Variants in HYAL1 observed in about 807,000 individuals in gnomAD.
HYAL1 encodes the protein hyaluronidase-1.
In HYAL1, 21 loss-of-function variants were observed where a neutral mutation model predicts 28.8. The ratio of observed to expected loss-of-function variants is 0.73; its 90% CI spans 0.52 to 1.05. HYAL1 has a LOEUF of 1.05. Ranked by LOEUF, HYAL1 falls within the 50% of genes least tolerant of loss-of-function variation. The pLI is 0.00. For synonymous variants in HYAL1, 200 were observed against 230.1 expected (o/e 0.87, Z 1.18); for missense variants, 491 against 579.2 (o/e 0.85, Z 1.56).
intron 2 of HYAL1, among the ~76,000 whole-genome samples, chr3:50,301,550 G>T (rs1575514230): frequency 6.6e-6 from 1 of 151,790 alleles, no homozygotes; most frequent in Non-Finnish European, 1.5e-5. Context: ...CCGGAAGGTG[G>T]AGGGTGCAGG....
At chr3:50,311,910 C>T (rs1190620467) in intron 1 of HYAL1, among the ~76,000 whole-genome samples, 2 of 149,776 alleles carry the variant, frequency 1.3e-5, no homozygotes, top group Admixed American at 6.6e-5. Context: ...CCCCCCTCCC[C>T]TCACGGATGG....
At position 50,300,137 on chromosome 3, in the gene HYAL1, C is replaced by G. The variant is rs1702060349; in HGVS notation, c.*346G>C. On this transcript the variant is annotated 3_prime_UTR_variant, in exon 4 of 4. Coordinates refer to ENST00000395144, the MANE Select transcript of HYAL1 (RefSeq NM_033159.4). ...GAGGAATGAATAAGTCCACATAAAA[C>G]GCTTAGCACGGGGATTGGCAAAGAG... The G allele has an allele frequency of 1.1e-5, 4 of 356,876 alleles. No homozygotes were observed. In the Admixed American group the frequency reaches 1.5e-4, roughly 14 times the overall value. 22.1% of individuals were successfully genotyped at this position (356,876 alleles called of 1,614,324 possible).
chr3:50,306,677 G>T (rs587718845), upstream of HYAL1, among the ~76,000 whole-genome samples: 3 of 151,028 alleles, frequency 2.0e-5, no homozygotes, highest in South Asian at 4.2e-4. Context: ...ACCTGAGGTC[G>T]GGAGTTTGAG....
At chr3:50,311,449 C>A (rs1399863829) in intron 1 of HYAL1, among the ~76,000 whole-genome samples, 5 of 131,626 alleles carry the variant, frequency 3.8e-5, no homozygotes, top group African/African-American at 1.4e-4. Context: ...GGGGCTGACC[C>A]CCCCCCACCT....
At chr3:50,310,965 T>C (rs1309077568) in intron 1 of HYAL1, among the ~76,000 whole-genome samples, 9 of 152,060 alleles carry the variant, frequency 5.9e-5, no homozygotes, top group Non-Finnish European at 1.3e-4. Flanking sequence ...TTTTTCTTAG[T>C]ATAGAACAAA....
upstream of HYAL1, among the ~76,000 whole-genome samples, chr3:50,304,530 G>A (rs1702298020): frequency 6.7e-6 from 1 of 149,882 alleles, no homozygotes; most frequent in Non-Finnish European, 1.5e-5. Flanking sequence ...GAGCCCAGGA[G>A]GTCATGTCTG....
upstream of HYAL1, among the ~76,000 whole-genome samples, chr3:50,307,184 G>T (rs587640164): frequency 2.0e-5 from 3 of 150,500 alleles, no homozygotes; most frequent in East Asian, 5.8e-4. Context: ...GGCCAACATG[G>T]CGAAACCCTG....
chr3:50,307,279 C>T (rs868990778), upstream of HYAL1, among the ~76,000 whole-genome samples: 5 of 146,028 alleles, frequency 3.4e-5, no homozygotes, highest in Middle Eastern at 3.7e-3. Flanking sequence ...GCAGGAGAAT[C>T]GCTTGACCTG....
chr3:50,302,778 G>A lies in HYAL1; in HGVS notation c.179C>T (p.Ala60Val), dbSNP rs1553713391. ...DVDVSVFDVV[A>V]NPGQTFRGPD... Reference sequence around the variant, plus strand: ...GCCGCGGAAGGTCTGCCCTGGGTTGGCTACCACATCGAAGACACTGACATC... The same window carrying A: ...GCCGCGGAAGGTCTGCCCTGGGTTGACTACCACATCGAAGACACTGACATC... Residue 60 changes from alanine (A) to valine (V), a missense_variant, in exon 2 of 4, where the codon GCC (alanine) becomes GTC (valine). Transcript: ENST00000395144. This position sits in a 1 kb window ranked among gnomAD's most constrained non-coding sequence, Gnocchi z 5.0. 6.2e-7 allele frequency: 1 copy of A among 1,614,002 alleles called. No individual in the cohort carries two copies. Among genetic ancestry groups the A allele is most frequent in the Admixed American group, 1.7e-5 (1 of 60,026 alleles).
intron 2 of HYAL1, among the ~76,000 whole-genome samples, chr3:50,301,334 C>T (rs587690185): frequency 2.6e-5 from 4 of 152,304 alleles, no homozygotes; most frequent in South Asian, 2.1e-4. Context: ...TGTGCCCATG[C>T]GCCAGGCGCG....
intron 2 of HYAL1, among the ~76,000 whole-genome samples, chr3:50,308,588 C>T (rs1430759354): frequency 6.6e-6 from 1 of 150,750 alleles, no homozygotes; most frequent in Non-Finnish European, 1.5e-5. Flanking sequence ...GCTGGGGCTA[C>T]AGGCGCCCAC....
At chr3:50,310,483 G>A (rs1553714597) in intron 1 of HYAL1, among the ~76,000 whole-genome samples, 1 of 151,050 alleles carries the variant, frequency 6.6e-6, no homozygotes, top group East Asian at 1.9e-4. Context: ...AGCCAGAATG[G>A]TCTCGATCTC....
rs782360909 is a variant in HYAL1 at position 50,300,844 on chromosome 3, T to A, written c.991-44A>T. ...TAGCGTCAGGGACACCATGGCCATG[T>A]ATGGACCCACCCAGGGCACTGAGGC... On this transcript the variant is annotated intron_variant, in intron 3 of 3. Transcript: ENST00000395144. The A allele has an allele frequency of 1.1e-5, 17 of 1,593,988 alleles. No homozygotes were observed. In the East Asian group the frequency reaches 3.1e-4, roughly 29 times the overall value.
chr3:50,305,368 C>T (rs1218162008), upstream of HYAL1, among the ~76,000 whole-genome samples: 6 of 147,520 alleles, frequency 4.1e-5, no homozygotes, highest in East Asian at 2.1e-4. Context: ...CTCAGCCTCC[C>T]GAGTAGCTGG....
upstream of HYAL1, among the ~76,000 whole-genome samples, chr3:50,306,108 C>T (rs1702330287): frequency 6.6e-6 from 1 of 150,962 alleles, no homozygotes; most frequent in Non-Finnish European, 1.5e-5. Flanking sequence ...CAGGAGCTAA[C>T]TTTATGGCTC....
chr3:50,304,493 T>C (rs1280302881), upstream of HYAL1, among the ~76,000 whole-genome samples: 3 of 149,690 alleles, frequency 2.0e-5, no homozygotes, highest in Non-Finnish European at 3.0e-5. Context: ...CCCAGCTACT[T>C]GGGACACTGA....
chr3:50,311,979 G>A (rs1309763571), intron 1 of HYAL1, among the ~76,000 whole-genome samples: 8 of 142,842 alleles, frequency 5.6e-5, no homozygotes, highest in East Asian at 2.2e-4. Flanking sequence ...GGGCAGAGGC[G>A]CCCCTCATCT....
chr3:50,307,680 G>GAA (rs1160592800), upstream of HYAL1, among the ~76,000 whole-genome samples: 27 of 24,962 alleles, frequency 1.1e-3, 1 homozygote, highest in East Asian at 4.6e-3. Flanking sequence ...GACTCCATCT[G>GAA]AAAAAAAAAA....
chr3:50,306,936 G>A (rs1329945486), upstream of HYAL1, among the ~76,000 whole-genome samples: 1 of 151,092 alleles, frequency 6.6e-6, no homozygotes, highest in Non-Finnish European at 1.5e-5. Context: ...CAGGCATGGT[G>A]GCCCACACCT....
Sources: allele counts gnomAD v4.1 joint callset (sites outside exome capture counted in the v4.1 genomes callset), GRCh38; gene constraint gnomAD v4.1.1; non-coding constraint Gnocchi (gnomAD v3.1); transcripts MANE v1.5; gene names NCBI Gene and HGNC (gene_info 2026-07-23, HGNC 2026-07-21).